SH3KBP1: variants seen among roughly 807,000 people sequenced by gnomAD.
The protein encoded by SH3KBP1 is SH3 domain-containing kinase-binding protein 1.
Under a neutral mutation model 50.1 loss-of-function variants are expected in SH3KBP1, and 8 were observed. That is an observed-to-expected ratio of 0.16 (90% confidence interval 0.09 to 0.29). The LOEUF (loss-of-function observed/expected upper bound fraction) is 0.29, where lower values mean the gene tolerates loss of function less well. Among genes scored for constraint, SH3KBP1 ranks in the 10% least tolerant of loss-of-function variants. The pLI, the probability that SH3KBP1 is intolerant of heterozygous loss-of-function variation, is 1.00. For synonymous variants in SH3KBP1, 227 were observed against 218.6 expected, an observed-to-expected ratio of 1.04 and a Z score of -0.34; for missense variants, 377 against 535.2, an observed-to-expected ratio of 0.70 and a Z score of 2.92.
chrX:19,641,792 A>T (rs746675721), intron 7 of SH3KBP1, among the ~76,000 whole-genome samples: 2 of 111,946 alleles, frequency 1.8e-5, no homozygotes, highest in African/African-American at 3.2e-5. Flanking sequence ...TTACATATAC[A>T]GGTATATGTA....
chrX:19,588,849 C>A, intron 11 of SH3KBP1, 47 bp from the exon 12 acceptor site: 1 of 994,234 alleles, frequency 1.0e-6, no homozygotes, highest in Non-Finnish European at 1.3e-6. Context: ...GTGTAAGTGA[C>A]AGTACTTAGA....
At chrX:19,645,897 G>A (rs1203635413) in intron 6 of SH3KBP1, among the ~76,000 whole-genome samples, 2 of 111,842 alleles carry the variant, frequency 1.8e-5, no homozygotes, top group Non-Finnish European at 3.8e-5. Context: ...AAATCAAAAG[G>A]AAGGGATACA....
intron 15 of SH3KBP1, 48 bp from the exon 16 acceptor site, chrX:19,542,241 C>T (rs2064939163): frequency 9.0e-7 from 1 of 1,111,754 alleles, no homozygotes; most frequent in South Asian, 2.2e-5. Context: ...GATTTGTGTG[C>T]TGCGTCTTTG....
intron 6 of SH3KBP1, among the ~76,000 whole-genome samples, chrX:19,652,316 T>C (rs1325912881): frequency 4.5e-5 from 5 of 111,579 alleles, no homozygotes; most frequent in Admixed American, 9.5e-5. Flanking sequence ...TTGGTTGCTA[T>C]AGAGAAGAAT....
At chrX:19,634,042 GTGT>G in intron 7 of SH3KBP1, among the ~76,000 whole-genome samples, 3 of 58,737 alleles carry the variant, frequency 5.1e-5, no homozygotes, top group Admixed American at 5.1e-4. Flanking sequence ...GTGTGTGTGT[GTGT>G]GTGTGTGTGT....
intron 6 of SH3KBP1, among the ~76,000 whole-genome samples, chrX:19,663,618 T>G (rs1338391056): frequency 8.9e-6 from 1 of 111,962 alleles, no homozygotes; most frequent in African/African-American, 3.2e-5. Flanking sequence ...CCTGAGATAT[T>G]ACATTTTATC....
intron 2 of SH3KBP1, among the ~76,000 whole-genome samples, chrX:19,774,778 T>C (rs751675286): frequency 1.1e-4 from 12 of 111,629 alleles, no homozygotes; most frequent in Non-Finnish European, 1.7e-4. Context: ...ATTAACTTTA[T>C]TAACACATAG....
At chrX:19,601,242 G>T (rs1268960429) in intron 9 of SH3KBP1, among the ~76,000 whole-genome samples, 1 of 111,352 alleles carries the variant, frequency 9.0e-6, no homozygotes, top group Non-Finnish European at 1.9e-5. Context: ...ACATTACCAG[G>T]AAGGAAATAG....
intron 1 of SH3KBP1, among the ~76,000 whole-genome samples, chrX:19,845,024 AG>A (rs1472929623): frequency 9.0e-6 from 1 of 111,534 alleles, no homozygotes; most frequent in African/African-American, 3.3e-5. Context: ...GGTTGCAGTG[AG>A]CCAAGACGGC....
Position 19,536,317 on chromosome X carries a change from G to A in SH3KBP1, c.*100C>T, listed in dbSNP as rs1319501645. ...ATCTTTCAAACAGGGACATTTTGAGGCAAACCTTTAATCTTTTGGCACAAG... is the reference window on the plus strand; with the variant it reads ...ATCTTTCAAACAGGGACATTTTGAGACAAACCTTTAATCTTTTGGCACAAG... On this transcript the variant is annotated 3_prime_UTR_variant, in exon 18 of 18. Coordinates refer to ENST00000397821, the MANE Select transcript of SH3KBP1 (RefSeq NM_031892.3). 1.3e-4 allele frequency: 73 copies of A among 541,946 alleles called. No individual in the cohort carries two copies. The highest frequency in any genetic ancestry group is 1.9e-4 in the Non-Finnish European group (62 of 326,848). The allele number at this position is 541,946 out of a possible 1,213,427, so 44.7% of individuals were successfully genotyped here.
intron 6 of SH3KBP1, chrX:19,648,011 T>C (rs778596141): frequency 2.7e-6 from 1 of 374,521 alleles, no homozygotes; most frequent in Non-Finnish European, 5.2e-6. Flanking sequence ...CAGGGGCCTA[T>C]TCTCATACCT....
At position 19,758,952 on chromosome X, in the gene SH3KBP1, A is replaced by G. The variant is rs770777657; in HGVS notation, c.163-12511T>C. ...TGCCAACATAAATGAAAGCATTTAT[A>G]GTCACAATTGCTTCCAAGACTAATA... On this transcript the variant is annotated intron_variant, in intron 2 of 17. Transcript: ENST00000397821. Among the ~76,000 whole-genome samples the G allele has an allele frequency of 3.6e-5, 4 of 112,220 alleles. No homozygotes were observed. In the South Asian group the frequency reaches 1.5e-3, roughly 41 times the overall value.
chrX:19,715,287 A>C (rs1429598499), intron 3 of SH3KBP1, among the ~76,000 whole-genome samples: 4 of 108,939 alleles, frequency 3.7e-5, no homozygotes, highest in Non-Finnish European at 7.6e-5. Context: ...AAAAAAAAAA[A>C]AAACGCCAAA....
chrX:19,839,322 T>TAAAAAAA (rs760512231), intron 1 of SH3KBP1, among the ~76,000 whole-genome samples: 1 of 95,022 alleles, frequency 1.1e-5, no homozygotes, highest in Non-Finnish European at 2.1e-5. Context: ...AAGAAGATAC[T>TAAAAAAA]AAAAAAAAAA....
chrX:19,862,597 T>C (rs2068805288), intron 1 of SH3KBP1, among the ~76,000 whole-genome samples: 1 of 110,948 alleles, frequency 9.0e-6, no homozygotes, highest in Admixed American at 9.6e-5. Context: ...TTATCTTTCT[T>C]AGTGCCTCAA....
intron 2 of SH3KBP1, among the ~76,000 whole-genome samples, chrX:19,827,856 C>T (rs1178502959): frequency 1.1e-5 from 1 of 94,787 alleles, no homozygotes; most frequent in African/African-American, 4.2e-5. Flanking sequence ...TTATTGTACC[C>T]CATATTATGG....
intron 10 of SH3KBP1, among the ~76,000 whole-genome samples, chrX:19,593,219 G>A (rs2066800128): frequency 9.0e-6 from 1 of 111,434 alleles, no homozygotes; most frequent in African/African-American, 3.3e-5. Context: ...CTTATGTATG[G>A]ACTGGGCTGA....
intron 14 of SH3KBP1, among the ~76,000 whole-genome samples, chrX:19,548,747 T>C (rs755599261): frequency 9.1e-6 from 1 of 110,196 alleles, no homozygotes; most frequent in Non-Finnish European, 1.9e-5. Flanking sequence ...CTGCAAAAGG[T>C]TAATTCCTTG....
chrX:19,735,602 G>T (rs1351117620), intron 3 of SH3KBP1, among the ~76,000 whole-genome samples: 1 of 108,849 alleles, frequency 9.2e-6, no homozygotes, highest in East Asian at 2.9e-4. Context: ...TAATTTCTAT[G>T]TAATTGTGAA....
Sources: allele counts gnomAD v4.1 joint callset (sites outside exome capture counted in the v4.1 genomes callset), GRCh38; gene constraint gnomAD v4.1.1; transcripts MANE v1.5; gene names NCBI Gene and HGNC (gene_info 2026-07-23, HGNC 2026-07-21).